The following FAM153A variants were observed in gnomAD, a reference collection of about 807,000 sequenced individuals.
FAM153A encodes family with sequence similarity 153 member A.
Under a neutral mutation model 48.1 loss-of-function variants are expected in FAM153A, and 12 were observed. The ratio of observed to expected loss-of-function variants is 0.25; its 90% confidence interval spans 0.16 to 0.40. The LOEUF is 0.40. Among genes scored for constraint, FAM153A ranks in the 10% least tolerant of loss-of-function variants. FAM153A has a pLI of 1.00. For missense variants in FAM153A, 111 were observed against 345.8 expected (o/e 0.32, Z 5.38); for synonymous variants, 36 against 118.2 (o/e 0.30, Z 4.51).
chr5:177,750,527 G>C, intron 2 of FAM153A: 1 of 235,138 alleles, frequency 4.3e-6, no homozygotes, highest in African/African-American at 2.4e-5. Context: ...CACTGAGGAA[G>C]GTGGGTATAT....
In FAM153A at chr5:177,729,222, A is replaced by G. The variant is rs1309550647; in HGVS notation, c.934-169T>C. 3.4e-5 allele frequency among the ~76,000 whole-genome samples: 4 copies of G among 116,808 alleles called. 1 individual carries two copies. The Admixed American group carries it at 3.7e-4, about 11-fold the overall frequency. 76.6% of individuals were successfully genotyped at this position (116,808 alleles called of 152,430 possible). The stretch of plus-strand genomic sequence containing the variant: ...ACAGGATTTCTGTGCAACATTTTCA[A>G]TTGTTTTTCTTTGACAATTCCAAAT... On this transcript the variant is annotated intron_variant, in intron 17 of 20. Transcript: ENST00000614127.
At chr5:177,701,409 C>CA in the FAM153A span, among the ~76,000 whole-genome samples, 6 of 151,634 alleles carry the variant, frequency 4.0e-5, no homozygotes, top group African/African-American at 1.5e-4. Context: ...ACTAACAATA[C>CA]AAAAAATCAA....
At chr5:177,758,472 CTACTT>C (rs2127708511) in intron 1 of FAM153A, among the ~76,000 whole-genome samples, 1 of 144,742 alleles carries the variant, frequency 6.9e-6, no homozygotes, top group African/African-American at 2.5e-5. Flanking sequence ...TTGGAAAAAA[CTACTT>C]TAAAGTTCAT....
downstream of FAM153A, among the ~76,000 whole-genome samples, chr5:177,704,729 G>T (rs1757725421): frequency 6.6e-6 from 1 of 151,804 alleles, no homozygotes; most frequent in South Asian, 2.1e-4. Flanking sequence ...CCCCAGCCAG[G>T]TGCAGCGGCT....
chr5:177,727,770 A>G lies in FAM153A; in HGVS notation c.964+1253T>C, dbSNP rs1179647929. On this transcript the variant is annotated intron_variant, in intron 18 of 20. Coordinates refer to ENST00000614127, the Ensembl canonical transcript of FAM153A. ...CCTTTGCTGAGTTCACCTTGCACTG[A>G]AGCAGGGTCTGTTCTCACCTCCTCT... is the stretch of plus-strand genomic sequence containing the variant. Among the ~76,000 whole-genome samples, 4 of 81,286 alleles carry G rather than the reference A, an allele frequency of 4.9e-5. 1 individual carries two copies. The highest frequency in any genetic ancestry group is 2.7e-4 in the Admixed American group (2 of 7,334). 53.3% of individuals were successfully genotyped at this position (81,286 alleles called of 152,430 possible).
upstream of FAM153A, among the ~76,000 whole-genome samples, chr5:177,781,937 G>T (rs1769718837): frequency 2.3e-5 from 2 of 87,688 alleles, no homozygotes; most frequent in Non-Finnish European, 4.7e-5. Flanking sequence ...CACCGTGTTA[G>T]CCAGGATGGT....
chr5:177,782,021 G>A (rs1277314896), upstream of FAM153A, among the ~76,000 whole-genome samples: 4 of 105,500 alleles, frequency 3.8e-5, no homozygotes, highest in African/African-American at 1.4e-4. Context: ...GAGCCACCGC[G>A]CCCGGCCGAC....
chr5:177,708,448 A>G (rs1758050372), downstream of FAM153A, among the ~76,000 whole-genome samples: 1 of 151,920 alleles, frequency 6.6e-6, no homozygotes. Flanking sequence ...GTGGTGGCAC[A>G]TGCCTGTAAT....
chr5:177,766,442 C>CAAA (rs56412932), intron 1 of FAM153A, among the ~76,000 whole-genome samples: 1 of 8,354 alleles, frequency 1.2e-4, no homozygotes, highest in African/African-American at 3.6e-4. Context: ...AATAATATAA[C>CAAA]GAAAGACCAA....
In FAM153A at chr5:177,771,635, G is replaced by A. The variant is rs532509521; in HGVS notation, c.-57+8814C>T. Among the ~76,000 whole-genome samples, 547 of 96,338 alleles carry A rather than the reference G, an allele frequency of 5.7e-3. 183 individuals are homozygous for A. Among genetic ancestry groups the A allele is most frequent in the Non-Finnish European group, 4.7e-3 (217 of 46,640 alleles). 63.2% of individuals were successfully genotyped at this position (96,338 alleles called of 152,430 possible). On this transcript the variant is annotated intron_variant, in intron 1 of 8. Transcript: ENST00000393518. ...CCCTTGGCTGTTGTTTAGGAAATTG[G>A]AATTGGGAGGGTTCCCACCATGCCC...
chr5:177,754,205 G>A (rs189483022), upstream of FAM153A, among the ~76,000 whole-genome samples: 150 of 152,108 alleles, frequency 9.9e-4, 2 homozygotes, highest in African/African-American at 3.4e-3. Context: ...CACCTGGCTC[G>A]GAGGGTCCTA....
upstream of FAM153A, among the ~76,000 whole-genome samples, chr5:177,756,211 A>G (rs1767712725): frequency 6.6e-6 from 1 of 150,392 alleles, no homozygotes; most frequent in Admixed American, 6.6e-5. Context: ...ACAGACTTTA[A>G]ACCAACAAAG....
intron 18 of FAM153A, among the ~76,000 whole-genome samples, chr5:177,728,184 G>A (rs962015372): frequency 9.8e-6 from 1 of 102,124 alleles, no homozygotes; most frequent in Non-Finnish European, 2.1e-5. Context: ...GAGTTCACAT[G>A]TGCCTCTTGC....
In FAM153A at chr5:177,733,774, TAGAA is replaced by T. The variant is rs756186900; in HGVS notation, c.760+602_760+605del. ...ATGCCATTCTAGTGGCAAGAGGAAA[TAGAA>T]AGGCCTGTGAAGAGGTGAGGTTTAT... is the stretch of plus-strand genomic sequence containing the variant. On this transcript the variant is annotated intron_variant, in intron 14 of 20. Coordinates refer to ENST00000614127, the Ensembl canonical transcript of FAM153A. 7.5e-3 allele frequency among the ~76,000 whole-genome samples: 1,017 copies of T among 135,408 alleles called. 6 individuals are homozygous for T. The highest frequency in any genetic ancestry group is 0.023 in the African/African-American group (829 of 36,194). The allele number at this position is 135,408 out of a possible 152,430, so 88.8% of individuals were successfully genotyped here.
downstream of FAM153A, among the ~76,000 whole-genome samples, chr5:177,706,188 G>GT (rs1485163571): frequency 8.5e-4 from 123 of 144,308 alleles, 2 homozygotes; most frequent in African/African-American, 2.8e-3. Context: ...GAAAAAATAT[G>GT]TTTTTTTTGT....
At chr5:177,756,110 A>G (rs1230735455), upstream of FAM153A, among the ~76,000 whole-genome samples, 2 of 150,628 alleles carry the variant, frequency 1.3e-5, no homozygotes, top group Admixed American at 6.6e-5. Flanking sequence ...GCAGAGACAC[A>G]CACAGGCTCA....
the FAM153A span, among the ~76,000 whole-genome samples, chr5:177,698,656 TTC>T: frequency 6.6e-6 from 1 of 151,940 alleles, no homozygotes; most frequent in Admixed American, 6.5e-5. Flanking sequence ...ATCCCATACT[TTC>T]TTTTCTATTT....
chr5:177,739,791 C>T (rs1765255580), intron 8 of FAM153A, 121 bp from the exon 11 acceptor site: 2 of 126,614 alleles, frequency 1.6e-5, no homozygotes, highest in Non-Finnish European at 1.3e-5. Context: ...CCAGACGGAG[C>T]CGCAGGCCCT....
downstream of FAM153A, among the ~76,000 whole-genome samples, chr5:177,705,658 C>CTTTTTTT (rs70994931): frequency 4.6e-4 from 37 of 79,828 alleles, no homozygotes; most frequent in African/African-American, 1.0e-3. Context: ...TTTTCTTTTT[C>CTTTTTTT]TTTTTTTTTT....
Sources: allele counts gnomAD v4.1 joint callset (sites outside exome capture counted in the v4.1 genomes callset), GRCh38; gene constraint gnomAD v4.1.1; transcripts MANE v1.5; gene names NCBI Gene and HGNC (gene_info 2026-07-23, HGNC 2026-07-21).